ERBB4: variants seen among roughly 807,000 people sequenced by gnomAD.
ERBB4 encodes the protein receptor tyrosine-protein kinase erbB-4.
ERBB4 carries 42 observed loss-of-function variants against 158.0 expected under a neutral mutation model. The ratio of observed to expected loss-of-function variants is 0.27; its 90% CI spans 0.21 to 0.34. The LOEUF is 0.34. ERBB4 is among the 10% of genes least tolerant of loss of function. The pLI is 1.00. For missense variants in ERBB4, 1,333 were observed against 1,624.1 expected, an observed-to-expected ratio of 0.82 and a Z score of 3.08; for synonymous variants, 583 against 558.7, an observed-to-expected ratio of 1.04 and a Z score of -0.61.
intron 20 of ERBB4, among the ~76,000 whole-genome samples, chr2:211,491,185 T>C (rs1037847428): frequency 9.9e-5 from 15 of 152,116 alleles, no homozygotes; most frequent in African/African-American, 3.6e-4. Flanking sequence ...TTGGTGGAAA[T>C]TTATTGTAAG....
intron 5 of ERBB4, among the ~76,000 whole-genome samples, chr2:211,731,848 T>C (rs2074436006): frequency 6.6e-6 from 1 of 152,150 alleles, no homozygotes; most frequent in African/African-American, 2.4e-5. Flanking sequence ...AATGCCAAAC[T>C]ATACACTGTT....
At chr2:212,431,338 A>T (rs2092025495) in intron 1 of ERBB4, among the ~76,000 whole-genome samples, 1 of 141,612 alleles carries the variant, frequency 7.1e-6, no homozygotes, top group African/African-American at 2.5e-5. Context: ...AAACCTTCGT[A>T]ACTATTTTTA....
chr2:211,641,241 A>G (rs1418779957), intron 16 of ERBB4, among the ~76,000 whole-genome samples: 2 of 152,048 alleles, frequency 1.3e-5, no homozygotes, highest in Non-Finnish European at 2.9e-5. Flanking sequence ...ATGTGGCTAA[A>G]GGGGCTTTAT....
intron 1 of ERBB4, among the ~76,000 whole-genome samples, chr2:212,255,751 T>A (rs74691048): frequency 0.058 from 8,890 of 152,222 alleles, 354 homozygotes; most frequent in African/African-American, 0.12. Flanking sequence ...TTTTTGGACG[T>A]GGGATGCTAA....
chr2:211,410,169 G>T (rs1453960933), intron 25 of ERBB4, among the ~76,000 whole-genome samples: 1 of 152,180 alleles, frequency 6.6e-6, no homozygotes, highest in Non-Finnish European at 1.5e-5. Context: ...AGGAGAGCCT[G>T]GTGTCTGCAT....
At chr2:211,470,497 A>G (rs2064804821) in intron 20 of ERBB4, among the ~76,000 whole-genome samples, 1 of 152,304 alleles carries the variant, frequency 6.6e-6, no homozygotes, top group East Asian at 1.9e-4. Context: ...GTAGAAAAAA[A>G]CTGAAATCAG....
At chr2:212,057,089 C>A (rs1447443898) in intron 2 of ERBB4, among the ~76,000 whole-genome samples, 1 of 151,954 alleles carries the variant, frequency 6.6e-6, no homozygotes, top group Non-Finnish European at 1.5e-5. Context: ...GGAAGATCTA[C>A]CAAGCAAATG....
chr2:212,007,196 C>A (rs557327345), intron 2 of ERBB4, among the ~76,000 whole-genome samples: 4 of 151,944 alleles, frequency 2.6e-5, no homozygotes, highest in African/African-American at 9.6e-5. Context: ...TGGGGTGGAA[C>A]TGATGATAAA....
At chr2:211,831,914 A>AG (rs1393476057) in intron 3 of ERBB4, among the ~76,000 whole-genome samples, 6 of 151,970 alleles carry the variant, frequency 3.9e-5, no homozygotes, top group Non-Finnish European at 8.8e-5. Context: ...AAAAAAAAAA[A>AG]TAGTAATGTC....
intron 2 of ERBB4, among the ~76,000 whole-genome samples, chr2:212,059,250 C>T (rs1423233000): frequency 2.0e-5 from 3 of 152,170 alleles, no homozygotes; most frequent in East Asian, 3.9e-4. Context: ...TGAAGGACCT[C>T]TTCAAGGAGA....
At chr2:212,035,970 C>T (rs2077002836) in intron 2 of ERBB4, among the ~76,000 whole-genome samples, 1 of 152,152 alleles carries the variant, frequency 6.6e-6, no homozygotes, top group South Asian at 2.1e-4. Flanking sequence ...AGTGATTGTA[C>T]ATATGAACTC....
intron 1 of ERBB4, among the ~76,000 whole-genome samples, chr2:212,315,086 G>A (rs1381171815): frequency 6.6e-6 from 1 of 151,338 alleles, no homozygotes; most frequent in Non-Finnish European, 1.5e-5. Context: ...TAAGTTTTAA[G>A]TACTGTAGGC....
At chr2:212,184,611 G>T (rs777940039) in intron 1 of ERBB4, among the ~76,000 whole-genome samples, 1 of 151,708 alleles carries the variant, frequency 6.6e-6, no homozygotes, top group Non-Finnish European at 1.5e-5. Context: ...TCAATAGATT[G>T]AATAAAAGTA....
chr2:212,280,381 T>C (rs2085709595), intron 1 of ERBB4, among the ~76,000 whole-genome samples: 1 of 151,590 alleles, frequency 6.6e-6, no homozygotes, highest in Admixed American at 6.6e-5. Flanking sequence ...AATGGTTAAT[T>C]CACCAAAAAT....
intron 3 of ERBB4, among the ~76,000 whole-genome samples, chr2:211,906,843 A>G (rs2079405368): frequency 6.6e-6 from 1 of 151,580 alleles, no homozygotes; most frequent in Admixed American, 6.6e-5. Context: ...GCTAAGGATA[A>G]TGGCATCTTG....
chr2:211,659,108 A>G (rs1175377844), intron 15 of ERBB4, among the ~76,000 whole-genome samples: 1 of 152,138 alleles, frequency 6.6e-6, no homozygotes, highest in Non-Finnish European at 1.5e-5. Context: ...AGGCCAGTCT[A>G]TCCATTATAT....
chr2:212,017,537 A>G (rs1165733510), intron 2 of ERBB4, among the ~76,000 whole-genome samples: 1 of 152,186 alleles, frequency 6.6e-6, no homozygotes, highest in South Asian at 2.1e-4. Flanking sequence ...ATTTCGACTC[A>G]GTTGTGAATG....
chr2:212,526,099 A>G (rs1229573033), intron 1 of ERBB4, among the ~76,000 whole-genome samples: 1 of 152,030 alleles, frequency 6.6e-6, no homozygotes, highest in African/African-American at 2.4e-5. Context: ...TTACTTATAG[A>G]AATTTATTTT....
intron 3 of ERBB4, among the ~76,000 whole-genome samples, chr2:211,892,981 C>A (rs560474424): frequency 1.4e-5 from 2 of 147,098 alleles, no homozygotes; most frequent in East Asian, 3.9e-4. Context: ...AATGGCCATA[C>A]TGCCCAAGGT....
Sources: allele counts gnomAD v4.1 joint callset (sites outside exome capture counted in the v4.1 genomes callset), GRCh38; gene constraint gnomAD v4.1.1; transcripts MANE v1.5; gene names NCBI Gene and HGNC (gene_info 2026-07-23, HGNC 2026-07-21).